The following ANKS1B variants were observed in gnomAD, a reference collection of about 807,000 sequenced individuals.
ANKS1B encodes the protein ankyrin repeat and sterile alpha motif domain-containing protein 1B.
A neutral mutation model predicts 148.3 loss-of-function variants in ANKS1B; 36 were observed. That is an observed-to-expected ratio of 0.24 (90% confidence interval 0.19 to 0.32). The LOEUF (loss-of-function observed/expected upper bound fraction) is 0.32. ANKS1B is among the 10% of genes least tolerant of loss of function. The pLI, the probability that ANKS1B is intolerant of heterozygous loss-of-function variation, is 1.00. For synonymous variants in ANKS1B, 542 were observed against 560.8 expected (o/e 0.97, Z 0.47); for missense variants, 1,157 against 1,542.6 (o/e 0.75, Z 4.19).
intron 17 of ANKS1B, among the ~76,000 whole-genome samples, chr12:98,939,737 T>C (rs2099833226): frequency 6.6e-6 from 1 of 152,252 alleles, no homozygotes; most frequent in Non-Finnish European, 1.5e-5. Context: ...TCTTGCTGTG[T>C]ACATATTTCT....
chr12:99,802,958 T>G (rs1401160072), intron 4 of ANKS1B, among the ~76,000 whole-genome samples: 2 of 150,694 alleles, frequency 1.3e-5, no homozygotes, highest in African/African-American at 4.9e-5. Context: ...ATGTAACTAC[T>G]AGGAAAAGAC....
At chr12:99,287,783 A>T (rs568398584) in intron 12 of ANKS1B, among the ~76,000 whole-genome samples, 6 of 152,354 alleles carry the variant, frequency 3.9e-5, no homozygotes, top group African/African-American at 1.4e-4. Context: ...ATGCAGCAGC[A>T]TCTTGCAATA....
At chr12:99,506,552 C>T (rs1297406727) in intron 9 of ANKS1B, among the ~76,000 whole-genome samples, 1 of 151,968 alleles carries the variant, frequency 6.6e-6, no homozygotes, top group Non-Finnish European at 1.5e-5. Flanking sequence ...AAAGGAACTG[C>T]AGTGTTCTAT....
At chr12:99,966,075 C>T (rs2095480718) in intron 1 of ANKS1B, among the ~76,000 whole-genome samples, 1 of 152,188 alleles carries the variant, frequency 6.6e-6, no homozygotes, top group Non-Finnish European at 1.5e-5. Context: ...ATTATTCACA[C>T]TCAAGAAGAC....
chr12:99,131,259 G>A (rs1045814315), intron 15 of ANKS1B, among the ~76,000 whole-genome samples: 1 of 152,216 alleles, frequency 6.6e-6, no homozygotes, highest in African/African-American at 2.4e-5. Flanking sequence ...TCTTGCACGA[G>A]ATTTCATGAG....
rs1602678213 is a variant in ANKS1B at position 99,309,414 on chromosome 12, ACT to A, written c.1757-62552_1757-62551del. Among the ~76,000 whole-genome samples, 3 of 151,802 alleles carry A rather than the reference ACT, an allele frequency of 2.0e-5. No individual in the cohort carries two copies. In the South Asian group the frequency reaches 6.2e-4, roughly 31 times the overall value. On this transcript the variant is annotated intron_variant, in intron 12 of 26. Coordinates refer to ENST00000683438, the MANE Select transcript of ANKS1B (RefSeq NM_001352186.2). ...TTAATAGTTTTCCACATATTGAAAC[ACT>A]CTTATATTTTCATTAATTTTTATTG...
At position 99,333,854 on chromosome 12, in the gene ANKS1B, G is replaced by GTTTTTTTTTTTTTTTTTTTT. The variant is rs10526476; in HGVS notation, c.1756+65757_1756+65776dup. Among the ~76,000 whole-genome samples, 28 of 107,448 alleles carry GTTTTTTTTTTTTTTTTTTTT rather than the reference G, an allele frequency of 2.6e-4. 1 individual carries two copies. The highest frequency in any genetic ancestry group is 8.0e-4 in the African/African-American group (20 of 25,094). The allele number at this position is 107,448 out of a possible 152,430, so 70.5% of individuals were successfully genotyped here. On this transcript the variant is annotated intron_variant, in intron 12 of 26. Transcript: ENST00000683438. Reference sequence around the variant, plus strand: ...ATCAAAGTCACATTTCCAGTTCTCAGTTTTTTTTTTTTTTTTTTTTTAACA... The same window carrying GTTTTTTTTTTTTTTTTTTTT: ...ATCAAAGTCACATTTCCAGTTCTCAGTTTTTTTTTTTTTTTTTTTTTTTTTTTTTTTTTTTTTTTTTAACA...
chr12:99,182,516 T>G (rs58414464), intron 14 of ANKS1B, among the ~76,000 whole-genome samples: 3,009 of 152,220 alleles, frequency 0.02, 85 homozygotes, highest in African/African-American at 0.069. Context: ...TATGGCTGAA[T>G]AGTACTCCAT....
chr12:99,214,970 G>A (rs561120971), intron 14 of ANKS1B, among the ~76,000 whole-genome samples: 71 of 152,266 alleles, frequency 4.7e-4, no homozygotes, highest in Non-Finnish European at 8.4e-4. Context: ...AGAGATCTAC[G>A]GAACTTTGAA....
At chr12:98,828,682 C>T (rs1191419886) in intron 19 of ANKS1B, among the ~76,000 whole-genome samples, 1 of 152,170 alleles carries the variant, frequency 6.6e-6, no homozygotes, top group Non-Finnish European at 1.5e-5. Context: ...TGCTAGAAAG[C>T]ATCATCATTT....
intron 17 of ANKS1B, among the ~76,000 whole-genome samples, chr12:98,872,498 C>T (rs753486218): frequency 5.9e-5 from 9 of 152,012 alleles, no homozygotes; most frequent in Non-Finnish European, 1.0e-4. Flanking sequence ...GAGATTGTGC[C>T]GCTGCACTCC....
In ANKS1B at chr12:99,586,131, C is replaced by T. The variant is rs148968266; in HGVS notation, c.1272+68936G>A. 1.1e-4 allele frequency among the ~76,000 whole-genome samples: 16 copies of T among 152,292 alleles called. No homozygotes were observed. The East Asian group carries it at 2.9e-3, about 28-fold the overall frequency. On this transcript the variant is annotated intron_variant, in intron 9 of 26. Coordinates refer to ENST00000683438, the MANE Select transcript of ANKS1B (RefSeq NM_001352186.2). ...TCTGCTCCCCTTTTAAACTAAGTTG[C>T]AATTCCAAACCATGTCTCTGTGAAT...
chr12:99,405,975 G>A (rs1411167376), intron 11 of ANKS1B, among the ~76,000 whole-genome samples: 2 of 145,232 alleles, frequency 1.4e-5, no homozygotes, highest in Non-Finnish European at 3.0e-5. Flanking sequence ...TGAAAATCAA[G>A]AAGATGATAT....
At chr12:99,669,290 C>A (rs890550803) in intron 8 of ANKS1B, among the ~76,000 whole-genome samples, 2 of 152,200 alleles carry the variant, frequency 1.3e-5, no homozygotes, top group African/African-American at 4.8e-5. Context: ...CTTGCCTCAG[C>A]CTCCTGAGTA....
At chr12:99,401,885 C>T (rs1009350686) in intron 11 of ANKS1B, among the ~76,000 whole-genome samples, 2 of 146,718 alleles carry the variant, frequency 1.4e-5, no homozygotes, top group Non-Finnish European at 3.0e-5. Context: ...TGGCTTTCTT[C>T]CTGTTTCTAA....
At chr12:99,933,640 T>TG (rs1371134080) in intron 1 of ANKS1B, among the ~76,000 whole-genome samples, 1 of 152,146 alleles carries the variant, frequency 6.6e-6, no homozygotes, top group Non-Finnish European at 1.5e-5. Context: ...AGTTTTTTGG[T>TG]GGGGGCTTCA....
At chr12:99,112,159 G>A (rs1411010730) in intron 15 of ANKS1B, among the ~76,000 whole-genome samples, 2 of 152,068 alleles carry the variant, frequency 1.3e-5, no homozygotes, top group African/African-American at 4.8e-5. Context: ...GGTGGCAAAA[G>A]CAACTCCACA....
intron 14 of ANKS1B, among the ~76,000 whole-genome samples, chr12:99,242,602 A>C (rs1169586237): frequency 6.6e-6 from 1 of 152,232 alleles, no homozygotes; most frequent in Non-Finnish European, 1.5e-5. Context: ...CTAAGCAAAA[A>C]GAACAAACCA....
intron 1 of ANKS1B, among the ~76,000 whole-genome samples, chr12:99,930,568 T>C (rs1176557256): frequency 6.6e-6 from 1 of 152,166 alleles, no homozygotes; most frequent in Non-Finnish European, 1.5e-5. Context: ...GGCATCCCTG[T>C]CTTGTGCCCG....
Sources: gnomAD v4.1 joint callset for allele counts (sites outside exome capture counted in the v4.1 genomes callset) on GRCh38, gnomAD v4.1.1 for gene constraint, MANE v1.5 for transcripts, NCBI Gene and HGNC (gene_info 2026-07-23, HGNC 2026-07-21) for gene names.